The following DIDO1 variants were observed in gnomAD, a reference collection of about 807,000 sequenced individuals.
The protein encoded by DIDO1 is death-inducer obliterator 1.
A neutral mutation model predicts 99.4 loss-of-function variants in DIDO1; 16 were observed. The ratio of observed to expected loss-of-function variants is 0.16; its 90% CI spans 0.11 to 0.24. DIDO1 has a LOEUF of 0.24. Ranked by LOEUF, DIDO1 falls within the 10% of genes least tolerant of loss-of-function variation. DIDO1 has a pLI of 1.00. For synonymous variants in DIDO1, 1,366 were observed against 1,239.1 expected (o/e 1.10, Z -2.15); for missense variants, 2,996 against 3,014.0 (o/e 0.99, Z 0.14).
In DIDO1 at chr20:62,896,023, C is replaced by A. The variant is rs560110900; in HGVS notation, c.2214+210G>T. On this transcript the variant is annotated intron_variant, in intron 8 of 15. Transcript: ENST00000395343. The surrounding 1 kb of genome is among the most constrained non-coding windows in gnomAD (Gnocchi z 4.4). ...GACTTCAGGGAAGCCAGGAAGCGGA[C>A]GCGACCCTAGTTAAGGCAGGGAAGG... Among the ~76,000 whole-genome samples the A allele has an allele frequency of 6.6e-6, 1 of 152,074 alleles. No homozygotes were observed. Among genetic ancestry groups the A allele is most frequent in the Non-Finnish European group, 1.5e-5 (1 of 68,026 alleles).
At chr20:62,926,075 C>T (rs975204356) in intron 1 of DIDO1, among the ~76,000 whole-genome samples, 1 of 152,158 alleles carries the variant, frequency 6.6e-6, no homozygotes, top group Non-Finnish European at 1.5e-5. Flanking sequence ...CCCCGGGCCG[C>T]ACTCGCCCAG....
At chr20:62,934,813 G>A (rs190458699) in intron 1 of DIDO1, among the ~76,000 whole-genome samples, 1 of 152,252 alleles carries the variant, frequency 6.6e-6, no homozygotes, top group African/African-American at 2.4e-5. Context: ...ATAGCTTCTC[G>A]AAACTGGACA....
At chr20:62,892,397 G>C (rs2064417588) in intron 13 of DIDO1, among the ~76,000 whole-genome samples, 1 of 152,160 alleles carries the variant, frequency 6.6e-6, no homozygotes, top group Non-Finnish European at 1.5e-5. Context: ...AGTCATAAAT[G>C]CTAGTGCTGT....
chr20:62,884,260 C>G (rs2064262588), intron 15 of DIDO1, among the ~76,000 whole-genome samples: 1 of 152,150 alleles, frequency 6.6e-6, no homozygotes, highest in Non-Finnish European at 1.5e-5. Flanking sequence ...TAACTTCAAT[C>G]AGGAGTACTA....
intron 6 of DIDO1, among the ~76,000 whole-genome samples, chr20:62,904,216 CCT>C (rs3069123): frequency 6.6e-6 from 1 of 151,782 alleles, no homozygotes; most frequent in African/African-American, 2.4e-5. Flanking sequence ...ATTAAAAATC[CCT>C]CTCTGCATTC....
At chr20:62,903,885 C>T (rs3746760) in intron 6 of DIDO1, among the ~76,000 whole-genome samples, 34,892 of 151,974 alleles carry the variant, frequency 0.23, 4,286 homozygotes, top group East Asian at 0.33. Flanking sequence ...GGTCAGAGTA[C>T]CCCGCTATGG....
chr20:62,920,266 C>A (rs1394775039), intron 1 of DIDO1, among the ~76,000 whole-genome samples: 4 of 152,178 alleles, frequency 2.6e-5, no homozygotes, highest in Non-Finnish European at 4.4e-5. Context: ...TCAAGGGCAT[C>A]TGTTTATTAC....
intron 4 of DIDO1, among the ~76,000 whole-genome samples, chr20:62,909,415 T>C (rs1007782051): frequency 6.6e-5 from 10 of 152,254 alleles, no homozygotes; most frequent in African/African-American, 2.4e-4. Flanking sequence ...ACTCCCATCG[T>C]TCAGAAACAA....
rs1461028463 is a variant in DIDO1 at position 62,895,147 on chromosome 20, G to T, written c.2233C>A (p.Leu745Met). The T allele has an allele frequency of 6.2e-7, 1 of 1,609,958 alleles. No homozygotes were observed. The highest frequency in any genetic ancestry group is 8.5e-7 in the Non-Finnish European group (1 of 1,176,494). The part of the protein sequence containing the change: ...PKNQGLFHRV[L>M]REEISLAKLV... ...TTCGCCAAAGAGATTTCCTCACGCAGAACACGATGGAAGAGTCCCTATAAA... is the reference window on the plus strand; with the variant it reads ...TTCGCCAAAGAGATTTCCTCACGCATAACACGATGGAAGAGTCCCTATAAA... The change falls in exon 9 of 16, where the codon CTG becomes ATG. Residue 745 changes from leucine to methionine, a missense_variant. Leu to Met is a conservative substitution (Grantham distance 15). Around this residue, in one of 5 missense-constraint regions of DIDO1, gnomAD observed 898 missense variants for 972.7 expected, o/e 0.92. Coordinates refer to ENST00000395343, the MANE Select transcript of DIDO1 (RefSeq NM_001193369.2).
At chr20:62,926,766 C>T (rs2065264351), upstream of DIDO1, among the ~76,000 whole-genome samples, 4 of 152,250 alleles carry the variant, frequency 2.6e-5, no homozygotes, top group South Asian at 8.3e-4. Flanking sequence ...TCCCTCGGAA[C>T]AGCCCGGGCA....
In DIDO1 at chr20:62,909,684, C is replaced by A. The variant is rs533657058; in HGVS notation, c.1161+15G>T. ...GCCGACTGCTGAATGCTCGTCTCAGCGGACAAACACTTACAGGCTGGAAGA... is the reference window on the plus strand; with the variant it reads ...GCCGACTGCTGAATGCTCGTCTCAGAGGACAAACACTTACAGGCTGGAAGA... On this transcript the variant is annotated intron_variant, in intron 4 of 15. Transcript: ENST00000395343. 1.9e-6 allele frequency: 3 copies of A among 1,609,988 alleles called. No individual in the cohort carries two copies. The highest frequency in any genetic ancestry group is 2.2e-5 in the East Asian group (1 of 44,842).
At chr20:62,913,181 AT>A (rs2064978883) in intron 2 of DIDO1, among the ~76,000 whole-genome samples, 1 of 152,192 alleles carries the variant, frequency 6.6e-6, no homozygotes, top group Admixed American at 6.5e-5. Flanking sequence ...CTCTGTAAAC[AT>A]GACCCACACC....
Position 62,890,976 on chromosome 20 carries a change from C to T in DIDO1, c.3525G>A (p.Leu1175=). The T allele has an allele frequency of 9.3e-6, 15 of 1,614,096 alleles. No individual in the cohort carries two copies. Among genetic ancestry groups the T allele is most frequent in the Non-Finnish European group, 1.3e-5 (15 of 1,180,040 alleles). Residue 1175 remains leucine (L), a synonymous_variant, in exon 15 of 16, where the codon TTG becomes TTA. Coordinates refer to ENST00000395343, the MANE Select transcript of DIDO1 (RefSeq NM_001193369.2). ...SAQDPVPSKL[L]PFEGPGLESP... Reference sequence around the variant, plus strand: ...GGCGCTTACCTGGTCCCTCAAAGGGCAAGAGTTTGGATGGAACAGGGTCCT... The same window carrying T: ...GGCGCTTACCTGGTCCCTCAAAGGGTAAGAGTTTGGATGGAACAGGGTCCT...
At chr20:62,886,100 C>G (rs558377097) in intron 15 of DIDO1, among the ~76,000 whole-genome samples, 1 of 152,228 alleles carries the variant, frequency 6.6e-6, no homozygotes, top group Non-Finnish European at 1.5e-5. Context: ...TGGCACAGGG[C>G]ACGGTAGGCT....
At chr20:62,905,422 C>A in intron 6 of DIDO1, 1 of 1,496,272 alleles carries the variant, frequency 6.7e-7, no homozygotes, top group South Asian at 1.3e-5. Flanking sequence ...CAAAGATTCC[C>A]ACAACATAAA....
Position 62,881,206 on chromosome 20 carries a change from G to C in DIDO1, c.4750C>G (p.Arg1584Gly). ...TCGGGCAGGGCACCCTGGGCACCAC[G>C]TGCCGAGAGCCTGGAGAGAGGCTCC... is the stretch of plus-strand genomic sequence containing the variant. ...EGEPLSRLSA[R>G]GAQGALPERD... Residue 1584 changes from arginine (R) to glycine (G), a missense_variant, in exon 16 of 16, where the codon CGT (arginine) becomes GGT (glycine). By Grantham distance (125) the Arg-to-Gly change is moderately radical. This residue lies in a region of DIDO1 where 1,562 missense variants were observed against 1,412.6 expected (regional missense o/e 1.11). Coordinates refer to ENST00000395343, the MANE Select transcript of DIDO1 (RefSeq NM_001193369.2). The surrounding 1 kb of genome is among the most constrained non-coding windows in gnomAD (Gnocchi z 8.3). 3 of 1,606,278 alleles carry C rather than the reference G, an allele frequency of 1.9e-6. No homozygotes were observed. Among genetic ancestry groups the C allele is most frequent in the Non-Finnish European group, 2.5e-6 (3 of 1,178,624 alleles).
chr20:62,932,432 T>C (rs945263631), intron 1 of DIDO1, among the ~76,000 whole-genome samples: 1 of 152,254 alleles, frequency 6.6e-6, no homozygotes, highest in Non-Finnish European at 1.5e-5. Context: ...TTTACATATA[T>C]TTTTTGTTAA....
chr20:62,892,781 C>A (rs2294998), intron 13 of DIDO1, 28 bp downstream of exon 13: 3 of 1,596,636 alleles, frequency 1.9e-6, no homozygotes, highest in South Asian at 1.1e-5. Context: ...AAGACACACA[C>A]ACGCACACAC....
intron 1 of DIDO1, among the ~76,000 whole-genome samples, chr20:62,922,613 C>T (rs138309565): frequency 2.4e-4 from 36 of 152,258 alleles, no homozygotes; most frequent in Non-Finnish European, 4.0e-4. Context: ...GAAATGGGGA[C>T]GGTAACGACC....
Sources: allele counts gnomAD v4.1 joint callset (sites outside exome capture counted in the v4.1 genomes callset), GRCh38; gene constraint gnomAD v4.1.1; regional missense constraint gnomAD v4.1.1; non-coding constraint Gnocchi (gnomAD v3.1); transcripts MANE v1.5; gene names NCBI Gene and HGNC (gene_info 2026-07-23, HGNC 2026-07-21).